The following UBE2D4 variants were observed in gnomAD, a reference collection of about 807,000 sequenced individuals.
UBE2D4 encodes ubiquitin-conjugating enzyme E2 D4.
UBE2D4 carries 17 observed loss-of-function variants against 23.0 expected under a neutral mutation model. The ratio of observed to expected loss-of-function variants is 0.74; its 90% CI spans 0.51 to 1.11. The LOEUF is 1.11. UBE2D4 is among the 50% of genes least tolerant of loss of function. The pLI is 0.00. For missense variants in UBE2D4, 139 were observed against 181.8 expected, an observed-to-expected ratio of 0.76 and a Z score of 1.35; for synonymous variants, 61 against 69.4, an observed-to-expected ratio of 0.88 and a Z score of 0.60.
At chr7:43,930,076 A>G (rs1203054580) in intron 1 of UBE2D4, among the ~76,000 whole-genome samples, 2 of 152,232 alleles carry the variant, frequency 1.3e-5, no homozygotes, top group African/African-American at 2.4e-5. Context: ...GGAGTAATAG[A>G]GACAACTGCT....
intron 1 of UBE2D4, 132 bp downstream of exon 1, chr7:43,926,688 G>A (rs1230029202): frequency 1.0e-6 from 1 of 958,828 alleles, no homozygotes; most frequent in Non-Finnish European, 1.4e-6. Flanking sequence ...GAAGGAGGCA[G>A]AACAGCCTCC....
intron 1 of UBE2D4, among the ~76,000 whole-genome samples, chr7:43,928,745 G>A (rs1384862817): frequency 6.6e-6 from 1 of 152,120 alleles, no homozygotes; most frequent in Non-Finnish European, 1.5e-5. Flanking sequence ...GAAACAAGGA[G>A]GTGTACAAAA....
chr7:43,931,933 C>A (rs1370332456), intron 1 of UBE2D4, among the ~76,000 whole-genome samples: 1 of 151,900 alleles, frequency 6.6e-6, no homozygotes, highest in Non-Finnish European at 1.5e-5. Context: ...AGCGATCCAC[C>A]CACTTGGGCC....
At chr7:43,927,182 A>G (rs903840175) in intron 1 of UBE2D4, among the ~76,000 whole-genome samples, 6 of 152,138 alleles carry the variant, frequency 3.9e-5, no homozygotes, top group African/African-American at 1.4e-4. Context: ...ATTTGTTAAC[A>G]TTTTAGCATA....
chr7:43,952,052 TGA>T (rs1382845375), intron 6 of UBE2D4: 1 of 152,232 alleles, frequency 6.6e-6, no homozygotes, highest in Non-Finnish European at 1.5e-5. Context: ...ATTACAATGA[TGA>T]GAGTAAGTGC....
rs2096011189 is a variant in UBE2D4 at position 43,955,349 on chromosome 7, T to C, written c.*2654T>C. The C allele has an allele frequency of 6.6e-6, 1 of 152,064 alleles. No homozygotes were observed. Among genetic ancestry groups the C allele is most frequent in the African/African-American group, 2.4e-5 (1 of 41,400 alleles). 9.4% of individuals were successfully genotyped at this position (152,064 alleles called of 1,614,324 possible). A position where few individuals can be genotyped will look rare whatever the true frequency, so the allele number is the denominator to read the frequency against. On this transcript the variant is annotated 3_prime_UTR_variant, in exon 7 of 7. Coordinates refer to ENST00000222402, the MANE Select transcript of UBE2D4 (RefSeq NM_015983.4). ...AAGGTGCTTGATCTTGAACAATTGATCCATGATGAAAAAATGACCATTAGC... is the reference window on the plus strand; with the variant it reads ...AAGGTGCTTGATCTTGAACAATTGACCCATGATGAAAAAATGACCATTAGC...
intron 1 of UBE2D4, among the ~76,000 whole-genome samples, chr7:43,931,485 G>T (rs1340543673): frequency 6.6e-6 from 1 of 151,974 alleles, no homozygotes; most frequent in Non-Finnish European, 1.5e-5. Context: ...CTGAGATGAG[G>T]TAATTTAGGA....
intron 1 of UBE2D4, among the ~76,000 whole-genome samples, 199 bp from the exon 2 acceptor site, chr7:43,938,232 A>G (rs1279847179): frequency 1.3e-5 from 2 of 152,156 alleles, no homozygotes; most frequent in East Asian, 3.9e-4. Flanking sequence ...CCTAATGTAT[A>G]AAATGGAAAT....
intron 1 of UBE2D4, among the ~76,000 whole-genome samples, chr7:43,926,839 C>T (rs1475643394): frequency 6.6e-6 from 1 of 152,238 alleles, no homozygotes; most frequent in African/African-American, 2.4e-5. Flanking sequence ...CGGGTTCCCC[C>T]TGTAGGGTAT....
rs77577783 is a variant in UBE2D4 at position 43,943,968 on chromosome 7, T to C, written c.198+937T>C. ...AGAGATTGCCCTGAGAAAGGGGAAC[T>C]GCAGGAGCTCAGCAAGAGGGCGGAC... is the stretch of plus-strand genomic sequence containing the variant. On this transcript the variant is annotated intron_variant, in intron 4 of 6. Coordinates refer to ENST00000222402, the MANE Select transcript of UBE2D4 (RefSeq NM_015983.4). 4.2e-3 allele frequency: 644 copies of C among 153,544 alleles called. 5 individuals are homozygous for C. Among genetic ancestry groups the C allele is most frequent in the African/African-American group, 0.014 (595 of 41,510 alleles). 9.5% of individuals were successfully genotyped at this position (153,544 alleles called of 1,614,324 possible).
At chr7:43,952,566 A>T in intron 6 of UBE2D4, 84 bp from the exon 7 acceptor site, 1 of 1,218,080 alleles carries the variant, frequency 8.2e-7, no homozygotes, top group Non-Finnish European at 1.2e-6. Flanking sequence ...AGCATTCCCC[A>T]CATCAGTCCT....
chr7:43,942,009 T>C (rs545498193), intron 2 of UBE2D4: 4 of 152,276 alleles, frequency 2.6e-5, no homozygotes, highest in African/African-American at 9.6e-5. Flanking sequence ...AGGAATGTCT[T>C]TGTTTGGCTG....
rs964765197 is a variant in UBE2D4, at chr7:43,938,465, A to G, written c.59A>G (p.Gln20Arg). Residue 20 changes from glutamine to arginine, a missense_variant, in exon 2 of 7, where the codon CAG becomes CGG. By Grantham distance (43) the Gln-to-Arg change is conservative. Transcript: ENST00000222402. ...GACTTGCAGAGGGATCCTCCTGCCC[A>G]GTGTTCTGCAGGACCTGTCGGTGAT... Reference protein sequence around the residue: ...LTDLQRDPPAQCSAGPVGDDL... With the variant: ...LTDLQRDPPARCSAGPVGDDL... 6.2e-7 allele frequency: 1 copy of G among 1,614,128 alleles called. No individual in the cohort carries two copies. Among genetic ancestry groups the G allele is most frequent in the Non-Finnish European group, 8.5e-7 (1 of 1,180,006 alleles).
At chr7:43,932,826 AAAT>A (rs1308451972) in intron 1 of UBE2D4, among the ~76,000 whole-genome samples, 1 of 150,792 alleles carries the variant, frequency 6.6e-6, no homozygotes, top group African/African-American at 2.4e-5. Context: ...CATAATAAAA[AAAT>A]AATAATAGAA....
intron 1 of UBE2D4, 100 bp from the exon 2 acceptor site, chr7:43,938,331 C>A: frequency 1.7e-6 from 2 of 1,165,420 alleles, no homozygotes; most frequent in Non-Finnish European, 2.6e-6. Context: ...GGCCTAGGAG[C>A]CTCCTCCCAC....
rs774290334 is a variant in UBE2D4 at position 43,954,257 on chromosome 7, CT to C, written c.*1590del. ...TGCATCTCACCATGTTGAGGATTGCCTTTTTTTTTTTTTTTTTTTTTTTTTT... is the reference window on the plus strand; with the variant it reads ...TGCATCTCACCATGTTGAGGATTGCCTTTTTTTTTTTTTTTTTTTTTTTTT... On this transcript the variant is annotated 3_prime_UTR_variant, in exon 7 of 7. Transcript: ENST00000222402. 6,865 of 70,414 alleles carry C rather than the reference CT, an allele frequency of 0.097. 428 individuals are homozygous for C. The highest frequency in any genetic ancestry group is 0.16 in the African/African-American group (2,413 of 15,560). The allele number at this position is 70,414 out of a possible 1,614,324, so 4.4% of individuals were successfully genotyped here. A position where few individuals can be genotyped will look rare whatever the true frequency, so the allele number is the denominator to read the frequency against.
At chr7:43,933,070 CA>C (rs2095950541) in intron 1 of UBE2D4, among the ~76,000 whole-genome samples, 1 of 143,904 alleles carries the variant, frequency 6.9e-6, no homozygotes, top group African/African-American at 2.6e-5. Flanking sequence ...TATATACACA[CA>C]TATATATACA....
intron 4 of UBE2D4, chr7:43,947,350 C>G (rs1342883934): frequency 6.6e-6 from 1 of 152,082 alleles, no homozygotes; most frequent in African/African-American, 2.4e-5. Context: ...AGGCTGGTCT[C>G]GAACTGCTGA....
At chr7:43,950,833 G>T (rs182548108) in intron 6 of UBE2D4, 141 bp downstream of exon 6, 11 of 682,430 alleles carry the variant, frequency 1.6e-5, no homozygotes, top group East Asian at 1.1e-4. Context: ...TGCACAGAGG[G>T]TGTGCCCTGG....
Sources: gnomAD v4.1 joint callset for allele counts (sites outside exome capture counted in the v4.1 genomes callset) on GRCh38, gnomAD v4.1.1 for gene constraint, MANE v1.5 for transcripts, NCBI Gene and HGNC (gene_info 2026-07-23, HGNC 2026-07-21) for gene names.